Variants in PARP14 observed in about 807,000 individuals in gnomAD.
PARP14 encodes protein mono-ADP-ribosyltransferase PARP14.
In PARP14, 59 loss-of-function variants were observed where a neutral mutation model predicts 154.2. The ratio of observed to expected loss-of-function variants is 0.38; its 90% CI spans 0.31 to 0.48. PARP14 has a LOEUF of 0.48. PARP14 is among the 20% of genes least tolerant of loss of function. PARP14 has a pLI of 0.98. For missense variants in PARP14, 1,734 were observed against 2,131.6 expected (o/e 0.81, Z 3.67); for synonymous variants, 720 against 780.5 (o/e 0.92, Z 1.29).
At position 122,700,033 on chromosome 3, in the gene PARP14, G is replaced by A. The variant is rs370942012; in HGVS notation, c.1479G>A (p.Glu493=). Residue 493 remains glutamate (E), a synonymous_variant, in exon 6 of 17, where the codon GAG becomes GAA. Coordinates refer to ENST00000474629, the MANE Select transcript of PARP14 (RefSeq NM_017554.3). ...GTCTACTGGACCATTTACTCACGGA[G>A]TGCCCAGAGATAGAGATTTGTTACG... ...HSSLLDHLLT[E]CPEIEICYDR... is the part of the protein sequence containing the mutation. 5.2e-5 allele frequency: 84 copies of A among 1,613,848 alleles called. No individual in the cohort carries two copies. The highest frequency in any genetic ancestry group is 6.9e-5 in the Non-Finnish European group (81 of 1,179,864).
At chr3:122,717,842 C>T (rs940248992) in intron 12 of PARP14, among the ~76,000 whole-genome samples, 7 of 152,152 alleles carry the variant, frequency 4.6e-5, no homozygotes, top group Admixed American at 1.3e-4. Flanking sequence ...ATTTCTGGGT[C>T]CTTTGTTCAC....
At chr3:122,717,391 G>A (rs768165412) in intron 12 of PARP14, among the ~76,000 whole-genome samples, 2 of 152,216 alleles carry the variant, frequency 1.3e-5, no homozygotes, top group Non-Finnish European at 2.9e-5. Flanking sequence ...AGGATATGGA[G>A]TATGCTGAAA....
chr3:122,724,460 A>ATTTT (rs956215914), intron 15 of PARP14, among the ~76,000 whole-genome samples: 160 of 102,018 alleles, frequency 1.6e-3, no homozygotes, highest in East Asian at 3.0e-3. Context: ...CACCACGCCT[A>ATTTT]TTTTTTTTTT....
rs1938965726 is a variant in PARP14 at position 122,701,304 on chromosome 3, C to A, written c.2750C>A (p.Ala917Asp). The A allele has an allele frequency of 2.5e-6, 4 of 1,613,850 alleles. No homozygotes were observed. The highest frequency in any genetic ancestry group is 1.3e-5 in the African/African-American group (1 of 74,932). The change falls in exon 6 of 17, where the codon GCC becomes GAC. Residue 917 changes from alanine to aspartate, a missense_variant. Ala to Asp is a moderately radical substitution (Grantham distance 126). Around this residue, in one of 2 missense-constraint regions of PARP14, gnomAD observed 1,646 missense variants for 1,976.0 expected, o/e 0.83. Coordinates refer to ENST00000474629, the MANE Select transcript of PARP14 (RefSeq NM_017554.3). This position sits in a 1 kb window ranked among gnomAD's most constrained non-coding sequence, Gnocchi z 4.0. ...LAEKYKYRSI[A>D]IPAISSGVFG... is the part of the protein sequence containing the mutation. ...GAAAAATACAAGTACCGATCCATAG[C>A]CATCCCAGCTATTAGTTCTGGAGTC...
intron 5 of PARP14, among the ~76,000 whole-genome samples, chr3:122,699,137 A>G (rs1336818310): frequency 6.6e-6 from 1 of 152,192 alleles, no homozygotes; most frequent in Non-Finnish European, 1.5e-5. Flanking sequence ...GAGCACTTTG[A>G]GAGTATATTG....
At position 122,714,434 on chromosome 3, in the gene PARP14, G is replaced by A. The variant is rs780687645; in HGVS notation, c.4000+5G>A. On this transcript the variant is annotated splice_donor_5th_base_variant and intron_variant, in intron 12 of 16. Transcript: ENST00000474629. ...GCCTCCCAGCCATTGGGACAGGTTC[G>A]TAGCCTCTGGCTGTCAAGGCTAAAT... The A allele has an allele frequency of 1.4e-5, 22 of 1,553,368 alleles. No individual in the cohort carries two copies. The highest frequency in any genetic ancestry group is 1.8e-5 in the Non-Finnish European group (21 of 1,157,566).
At chr3:122,688,923 G>T (rs989488803) in intron 3 of PARP14, among the ~76,000 whole-genome samples, 1 of 152,204 alleles carries the variant, frequency 6.6e-6, no homozygotes, top group Non-Finnish European at 1.5e-5. Flanking sequence ...CACACACCAA[G>T]ATCAGGTGAA....
At position 122,699,466 on chromosome 3, in the gene PARP14, G is replaced by A; in HGVS notation, c.912G>A (p.Leu304=). 1 of 1,613,654 alleles carries A rather than the reference G, an allele frequency of 6.2e-7. No individual in the cohort carries two copies. The highest frequency in any genetic ancestry group is 1.1e-5 in the South Asian group (1 of 91,072). Residue 304 remains leucine, a synonymous_variant, in exon 6 of 17, where the codon TTG becomes TTA. Coordinates refer to ENST00000474629, the MANE Select transcript of PARP14 (RefSeq NM_017554.3). ...PLSVFPYYAS[L]GTALYGKEKP... is the part of the protein sequence containing the mutation. ...CTGTGTTCCCATACTATGCCTCATT[G>A]GGCACAGCCTTGTATGGAAAGGAGA...
At chr3:122,707,814 T>TA (rs1327782530) in intron 8 of PARP14, among the ~76,000 whole-genome samples, 4 of 152,286 alleles carry the variant, frequency 2.6e-5, no homozygotes, top group Admixed American at 2.6e-4. Flanking sequence ...AGACCTCATT[T>TA]AAAAAATTCT....
At chr3:122,720,698 T>G (rs960131025) in intron 15 of PARP14, 3 of 445,138 alleles carry the variant, frequency 6.7e-6, no homozygotes, top group African/African-American at 6.1e-5. Flanking sequence ...GCTAGCAAAT[T>G]CCACAGAGAG....
Position 122,695,466 on chromosome 3 carries a change from A to C in PARP14, c.639A>C (p.Ser213=), listed in dbSNP as rs1447857491. 1 of 1,605,268 alleles carries C rather than the reference A, an allele frequency of 6.2e-7. No homozygotes were observed. Among genetic ancestry groups the C allele is most frequent in the East Asian group, 2.2e-5 (1 of 44,804 alleles). ...TTGATGATTGTACCAAGCACCATTC[A>C]ATTAAACAACTTCAGCTTTCTCCAA... The part of the protein sequence containing the change: ...RFVDDCTKHH[S]IKQLQLSPRL... Residue 213 remains serine, a synonymous_variant, in exon 5 of 17, where the codon TCA becomes TCC. Transcript: ENST00000474629.
intron 2 of PARP14, among the ~76,000 whole-genome samples, chr3:122,686,007 A>G (rs1938363233): frequency 1.3e-5 from 2 of 152,212 alleles, no homozygotes; most frequent in African/African-American, 4.8e-5. Context: ...TATTACCCCA[A>G]TTGTAAAATG....
At chr3:122,689,298 T>A (rs915606675) in intron 3 of PARP14, among the ~76,000 whole-genome samples, 27 of 152,218 alleles carry the variant, frequency 1.8e-4, no homozygotes, top group African/African-American at 4.8e-5. Flanking sequence ...CTTTCACATC[T>A]GCTGATCATA....
intron 3 of PARP14, among the ~76,000 whole-genome samples, chr3:122,689,963 C>A (rs1209491259): frequency 6.6e-6 from 1 of 152,234 alleles, no homozygotes; most frequent in Non-Finnish European, 1.5e-5. Context: ...AGCACTCTGC[C>A]TGTGCTTCTG....
At chr3:122,682,398 G>A (rs1486844068) in intron 1 of PARP14, among the ~76,000 whole-genome samples, 1 of 152,094 alleles carries the variant, frequency 6.6e-6, no homozygotes, top group East Asian at 1.9e-4. Flanking sequence ...TCCCAGCTCT[G>A]TTTTAGAGAT....
Position 122,718,840 on chromosome 3 carries a change from G to GA in PARP14, c.4696dup (p.Thr1566AsnfsTer3). ...AATTAGAGGATGCAAGGAGAGAAAA[G>GA]AAAAAAACAGTTGATGTCAAAATTA... On this transcript the variant is annotated frameshift_variant, in exon 14 of 17. Transcript: ENST00000474629. LOFTEE classifies it high-confidence loss of function. The GA allele has an allele frequency of 1.2e-6, 2 of 1,613,362 alleles. No individual in the cohort carries two copies. Among genetic ancestry groups the GA allele is most frequent in the Non-Finnish European group, 1.7e-6 (2 of 1,179,666 alleles).
rs775612219 is a variant in PARP14, at chr3:122,718,852, T to G, written c.4701T>G (p.Val1567=). ...EDARREKKKT[V]DVKINHRHYT... is the part of the protein sequence containing the mutation. ...CAAGGAGAGAAAAGAAAAAAACAGTTGATGTCAAAATTAATCATCGGCACT... is the reference window on the plus strand; with the variant it reads ...CAAGGAGAGAAAAGAAAAAAACAGTGGATGTCAAAATTAATCATCGGCACT... Residue 1567 remains valine, a synonymous_variant, in exon 14 of 17, where the codon GTT becomes GTG. Coordinates refer to ENST00000474629, the MANE Select transcript of PARP14 (RefSeq NM_017554.3). 2 of 1,613,910 alleles carry G rather than the reference T, an allele frequency of 1.2e-6. No individual in the cohort carries two copies. Among genetic ancestry groups the G allele is most frequent in the Non-Finnish European group, 1.7e-6 (2 of 1,179,850 alleles).
At chr3:122,693,262 C>G (rs1281886436) in intron 4 of PARP14, among the ~76,000 whole-genome samples, 1 of 152,172 alleles carries the variant, frequency 6.6e-6, no homozygotes, top group African/African-American at 2.4e-5. Context: ...AGGTAATTGT[C>G]AGGAATCTGT....
Position 122,713,950 on chromosome 3 carries a change from T to A in PARP14, c.3832+16T>A. The A allele has an allele frequency of 6.3e-7, 1 of 1,599,794 alleles. No individual in the cohort carries two copies. The highest frequency in any genetic ancestry group is 8.6e-7 in the Non-Finnish European group (1 of 1,167,174). ...TCTCAGCAAGGTAAGGCATATTCTA[T>A]TTTTTGGTCCTAAGTTGTAATTGTA... On this transcript the variant is annotated intron_variant, in intron 11 of 16. Coordinates refer to ENST00000474629, the MANE Select transcript of PARP14 (RefSeq NM_017554.3).
Sources: gnomAD v4.1 joint callset for allele counts (sites outside exome capture counted in the v4.1 genomes callset) on GRCh38, gnomAD v4.1.1 for gene constraint, gnomAD v4.1.1 regional missense constraint, Gnocchi (gnomAD v3.1) non-coding constraint, MANE v1.5 for transcripts, NCBI Gene and HGNC (gene_info 2026-07-23, HGNC 2026-07-21) for gene names.